The following FER variants were observed in gnomAD, a reference collection of about 807,000 sequenced individuals.
The protein encoded by FER is FER tyrosine kinase.
A neutral mutation model predicts 111.0 loss-of-function variants in FER; 63 were observed. The ratio of observed to expected loss-of-function variants is 0.57; its 90% CI spans 0.46 to 0.70. The LOEUF (loss-of-function observed/expected upper bound fraction) is 0.70. Among genes scored for constraint, FER ranks in the 30% least tolerant of loss-of-function variants. FER has a pLI of 0.00. For synonymous variants in FER, 327 were observed against 313.9 expected (o/e 1.04, Z -0.44); for missense variants, 914 against 954.0 (o/e 0.96, Z 0.55).
At chr5:108,997,260 CA>C (rs1367990350) in intron 13 of FER, among the ~76,000 whole-genome samples, 3 of 130,256 alleles carry the variant, frequency 2.3e-5, no homozygotes, top group Non-Finnish European at 3.3e-5. Flanking sequence ...AAAAAAAATA[CA>C]AAAAAAATTA....
At chr5:108,750,275 A>C (rs1257398956) in intron 1 of FER, among the ~76,000 whole-genome samples, 1 of 152,168 alleles carries the variant, frequency 6.6e-6, no homozygotes, top group Non-Finnish European at 1.5e-5. Context: ...GGATAAAAAA[A>C]AAAAACTATT....
intron 9 of FER, among the ~76,000 whole-genome samples, chr5:108,885,331 A>G (rs1270613119): frequency 1.3e-5 from 2 of 151,984 alleles, no homozygotes; most frequent in African/African-American, 4.8e-5. Context: ...GAATGGCAAC[A>G]TCATCCATTC....
At chr5:108,954,708 T>G in intron 11 of FER, 21 bp from the exon 12 acceptor site, 1 of 1,466,366 alleles carries the variant, frequency 6.8e-7, no homozygotes, top group Non-Finnish European at 9.0e-7. Context: ...TTTAGTTTTT[T>G]TTTTTTAATA....
intron 5 of FER, among the ~76,000 whole-genome samples, chr5:108,867,418 C>A (rs1167151467): frequency 3.3e-5 from 5 of 152,038 alleles, no homozygotes; most frequent in Non-Finnish European, 7.4e-5. Flanking sequence ...TATTTACAAA[C>A]TTTCTTGGTT....
chr5:108,878,644 T>C (rs969926418), intron 8 of FER, among the ~76,000 whole-genome samples: 1 of 152,168 alleles, frequency 6.6e-6, no homozygotes, highest in African/African-American at 2.4e-5. Context: ...ACTCTAAGCT[T>C]ATAAAATTGG....
intron 5 of FER, among the ~76,000 whole-genome samples, chr5:108,853,177 A>G (rs1176190504): frequency 6.6e-6 from 1 of 152,182 alleles, no homozygotes; most frequent in African/African-American, 2.4e-5. Flanking sequence ...AGGTAAAATT[A>G]TAATCTTTCA....
At chr5:109,095,514 A>G (rs992342063) in intron 16 of FER, among the ~76,000 whole-genome samples, 2 of 151,914 alleles carry the variant, frequency 1.3e-5, no homozygotes, top group African/African-American at 4.8e-5. Context: ...AATATACCCT[A>G]TATGTAGCAG....
At chr5:108,817,103 C>CAAAAAAAAAAAAAAAAAAAAAAAA in intron 3 of FER, among the ~76,000 whole-genome samples, 1 of 59,204 alleles carries the variant, frequency 1.7e-5, no homozygotes, top group Non-Finnish European at 3.0e-5. Flanking sequence ...GACACTGTCT[C>CAAAAAAAAAAAAAAAAAAAAAAAA]AAAAAAAAAA....
intron 10 of FER, among the ~76,000 whole-genome samples, chr5:108,917,113 C>T (rs529793237): frequency 1.3e-5 from 2 of 152,206 alleles, no homozygotes; most frequent in East Asian, 3.9e-4. Flanking sequence ...AGGCTTTCTT[C>T]TATTCCAGAG....
At chr5:109,118,667 A>G (rs938037265) in intron 17 of FER, among the ~76,000 whole-genome samples, 2 of 152,158 alleles carry the variant, frequency 1.3e-5, no homozygotes, top group Non-Finnish European at 2.9e-5. Flanking sequence ...GCTATTAATT[A>G]TTGCCTCAAT....
At chr5:109,068,883 A>G (rs903877325) in intron 16 of FER, among the ~76,000 whole-genome samples, 5 of 152,212 alleles carry the variant, frequency 3.3e-5, no homozygotes, top group Non-Finnish European at 2.9e-5. Context: ...ATGAGCTATC[A>G]TATTCTTGTA....
chr5:109,137,163 T>C (rs1752983480), intron 17 of FER, among the ~76,000 whole-genome samples: 1 of 152,134 alleles, frequency 6.6e-6, no homozygotes, highest in African/African-American at 2.4e-5. Flanking sequence ...AAGGGGGAGA[T>C]GAAGGAAACA....
At chr5:108,838,661 A>G (rs1288209285) in intron 5 of FER, among the ~76,000 whole-genome samples, 1 of 152,196 alleles carries the variant, frequency 6.6e-6, no homozygotes, top group African/African-American at 2.4e-5. Context: ...TTTATATACA[A>G]AGGAACACTC....
intron 3 of FER, among the ~76,000 whole-genome samples, chr5:108,807,214 A>G (rs1363555904): frequency 2.0e-5 from 3 of 152,034 alleles, no homozygotes; most frequent in Non-Finnish European, 2.9e-5. Flanking sequence ...CTTGCCCTCC[A>G]CTATGTTTGT....
intron 10 of FER, among the ~76,000 whole-genome samples, chr5:108,921,564 A>G (rs931141748): frequency 2.0e-5 from 3 of 152,150 alleles, no homozygotes; most frequent in Admixed American, 2.0e-4. Flanking sequence ...ATTTATGTAA[A>G]ATAATCTCCT....
chr5:108,833,377 AATT>A (rs1014750188), intron 4 of FER, among the ~76,000 whole-genome samples: 4 of 152,106 alleles, frequency 2.6e-5, no homozygotes, highest in Admixed American at 2.6e-4. Context: ...ACTTTTTTCA[AATT>A]ATTTTTATTA....
intron 2 of FER, among the ~76,000 whole-genome samples, chr5:108,774,751 C>A (rs982190501): frequency 1.4e-5 from 2 of 146,758 alleles, no homozygotes; most frequent in African/African-American, 5.0e-5. Flanking sequence ...TTTTTTTTTT[C>A]TTGTAAATTT....
chr5:108,996,989 G>A (rs1261605026), intron 13 of FER, among the ~76,000 whole-genome samples: 4 of 152,080 alleles, frequency 2.6e-5, no homozygotes, highest in Non-Finnish European at 5.9e-5. Flanking sequence ...TTCCTTGTAA[G>A]TTGGATTCCT....
chr5:109,130,189 A>G (rs1305804594), intron 17 of FER, among the ~76,000 whole-genome samples: 1 of 152,066 alleles, frequency 6.6e-6, no homozygotes, highest in Non-Finnish European at 1.5e-5. Flanking sequence ...TTTATCCCAT[A>G]GTAAATATTA....
Sources: allele counts gnomAD v4.1 joint callset (sites outside exome capture counted in the v4.1 genomes callset), GRCh38; gene constraint gnomAD v4.1.1; transcripts MANE v1.5; gene names NCBI Gene and HGNC (gene_info 2026-07-23, HGNC 2026-07-21).